The following MID2 variants were observed in gnomAD, a reference collection of about 807,000 sequenced individuals.
MID2 encodes the protein midline 2, also known as probable E3 ubiquitin-protein ligase MID2.
In MID2, 13 loss-of-function variants were observed where a neutral mutation model predicts 46.1. That is an observed-to-expected ratio of 0.28 (90% CI 0.18 to 0.45). The LOEUF (loss-of-function observed/expected upper bound fraction) is 0.45. Ranked by LOEUF, MID2 falls within the 20% of genes least tolerant of loss-of-function variation. The pLI, the probability that MID2 is intolerant of heterozygous loss-of-function variation, is 1.00. For missense variants in MID2, 431 were observed against 575.4 expected (o/e 0.75, Z 2.57); for synonymous variants, 199 against 212.3 (o/e 0.94, Z 0.55).
chrX:107,910,194 CTCTATT>C (rs1468105018), intron 5 of MID2, among the ~76,000 whole-genome samples: 1 of 111,699 alleles, frequency 9.0e-6, no homozygotes, highest in Non-Finnish European at 1.9e-5. Context: ...CCATTCTACT[CTCTATT>C]TCTATGAGTT....
intron 3 of MID2, chrX:107,901,151 G>A (rs1035954041): frequency 8.9e-6 from 1 of 111,907 alleles, no homozygotes; most frequent in Non-Finnish European, 1.9e-5. Flanking sequence ...ACGAATAAGG[G>A]TAGTCAAGTG....
intron 3 of MID2, among the ~76,000 whole-genome samples, chrX:107,886,391 A>G (rs1335743865): frequency 8.9e-6 from 1 of 111,963 alleles, no homozygotes; most frequent in Non-Finnish European, 1.9e-5. Context: ...TCCTTTCCCC[A>G]TTGCTTGTTT....
At chrX:107,863,681 A>G (rs887163338) in intron 3 of MID2, among the ~76,000 whole-genome samples, 3 of 112,612 alleles carry the variant, frequency 2.7e-5, no homozygotes, top group Non-Finnish European at 5.6e-5. Context: ...AAATGTTTCT[A>G]GTTCCACTTT....
chrX:107,905,458 C>G lies in MID2; in HGVS notation c.925-20C>G. The G allele has an allele frequency of 1.7e-6, 2 of 1,159,406 alleles. No individual in the cohort carries two copies. Among genetic ancestry groups the G allele is most frequent in the Non-Finnish European group, 2.3e-6 (2 of 865,272 alleles). ...ACTGCATGTTTTATCTTATTTTTTTCTTTTACTAATTCCTTAAAGGTTATG... is the reference window on the plus strand; with the variant it reads ...ACTGCATGTTTTATCTTATTTTTTTGTTTTACTAATTCCTTAAAGGTTATG... On this transcript the variant is annotated intron_variant, in intron 4 of 9. Coordinates refer to ENST00000262843, the MANE Select transcript of MID2 (RefSeq NM_012216.4).
At chrX:107,917,024 C>T (rs895352041) in intron 6 of MID2, among the ~76,000 whole-genome samples, 2 of 111,486 alleles carry the variant, frequency 1.8e-5, no homozygotes, top group Admixed American at 1.9e-4. Context: ...GCCTGTAATC[C>T]CAGCTTCTCA....
intron 6 of MID2, 100 bp from the exon 7 acceptor site, chrX:107,917,406 C>T (rs1932988986): frequency 6.0e-6 from 4 of 662,576 alleles, no homozygotes; most frequent in East Asian, 6.5e-5. Flanking sequence ...TTAAGAAAAT[C>T]TCTTCAAGAG....
In MID2 at chrX:107,893,425, A is replaced by G. The variant is rs1293681574; in HGVS notation, c.817-10533A>G. Among the ~76,000 whole-genome samples, 3 of 112,721 alleles carry G rather than the reference A, an allele frequency of 2.7e-5. No individual in the cohort carries two copies. In the Admixed American group the frequency reaches 2.8e-4, roughly 11 times the overall value. On this transcript the variant is annotated intron_variant, in intron 3 of 9. Coordinates refer to ENST00000262843, the MANE Select transcript of MID2 (RefSeq NM_012216.4). ...ATTCTTTAACCTGTCTTGAAAAGGC[A>G]TGTATATGTCTCATTATTACTTAAA...
intron 2 of MID2, among the ~76,000 whole-genome samples, chrX:107,852,041 T>C (rs1415562756): frequency 9.0e-6 from 1 of 111,278 alleles, no homozygotes; most frequent in Non-Finnish European, 1.9e-5. Flanking sequence ...TACATGTGTC[T>C]ACCGCCATGC....
Position 107,890,359 on chromosome X carries a change from C to T in MID2, c.817-13599C>T, listed in dbSNP as rs1039390408. On this transcript the variant is annotated intron_variant, in intron 3 of 9. Transcript: ENST00000262843. The stretch of plus-strand genomic sequence containing the variant: ...ACAGTCAGGACCCTTAGCTGCAGGC[C>T]TGTTGGAGTTTGTGGGAGGTCCACT... Among the ~76,000 whole-genome samples the T allele has an allele frequency of 5.3e-5, 6 of 112,217 alleles. No homozygotes were observed. In the Admixed American group the frequency reaches 5.6e-4, roughly 11 times the overall value.
intron 5 of MID2, among the ~76,000 whole-genome samples, chrX:107,910,566 G>A (rs1932876799): frequency 9.3e-6 from 1 of 107,183 alleles, no homozygotes; most frequent in South Asian, 4.3e-4. Flanking sequence ...AGTTTTTTGA[G>A]GAACCTCCAT....
At position 107,892,008 on chromosome X, in the gene MID2, C is replaced by T. The variant is rs189405971; in HGVS notation, c.817-11950C>T. 8.1e-5 allele frequency among the ~76,000 whole-genome samples: 9 copies of T among 111,778 alleles called. No homozygotes were observed. The East Asian group carries it at 1.4e-3, about 18-fold the overall frequency. ...CTCTTTCTCATAACAATGCCCTTTT[C>T]GACCTTAGCTATGAGAGTTCAAATT... On this transcript the variant is annotated intron_variant, in intron 3 of 9. Transcript: ENST00000262843.
At chrX:107,832,373 T>C (rs768845572) in intron 1 of MID2, among the ~76,000 whole-genome samples, 9 of 112,367 alleles carry the variant, frequency 8.0e-5, no homozygotes, top group Non-Finnish European at 7.5e-5. Context: ...AGTGTGATTG[T>C]CTGCCATTAT....
intron 1 of MID2, among the ~76,000 whole-genome samples, chrX:107,835,222 T>C (rs1208356410): frequency 8.9e-6 from 1 of 112,607 alleles, no homozygotes; most frequent in Non-Finnish European, 1.9e-5. Flanking sequence ...TTCCTTTTTA[T>C]AGCCAAGTAA....
intron 3 of MID2, among the ~76,000 whole-genome samples, chrX:107,877,400 T>G (rs1932223708): frequency 9.0e-6 from 1 of 111,692 alleles, no homozygotes; most frequent in Non-Finnish European, 1.9e-5. Context: ...ACTGGGGTGG[T>G]GAAGATAGCT....
At chrX:107,882,655 A>G (rs1932347814) in intron 3 of MID2, among the ~76,000 whole-genome samples, 1 of 112,108 alleles carries the variant, frequency 8.9e-6, no homozygotes, top group South Asian at 3.7e-4. Context: ...ACAATGAGAT[A>G]CCATCTCACA....
intron 1 of MID2, among the ~76,000 whole-genome samples, chrX:107,826,902 C>A (rs962430456): frequency 4.4e-5 from 5 of 113,435 alleles, no homozygotes; most frequent in African/African-American, 1.6e-4. Context: ...TGGCTGCGGA[C>A]GCCCTGCCGG....
chrX:107,856,157 C>A (rs1400672147), intron 3 of MID2, among the ~76,000 whole-genome samples: 1 of 112,017 alleles, frequency 8.9e-6, no homozygotes, highest in African/African-American at 3.2e-5. Context: ...TATTCTTTTT[C>A]TCTCCTGGCT....
At chrX:107,828,825 G>T (rs1931026347) in intron 1 of MID2, among the ~76,000 whole-genome samples, 2 of 112,282 alleles carry the variant, frequency 1.8e-5, no homozygotes, top group Admixed American at 1.9e-4. Context: ...ACTGGGTATT[G>T]TTAGTCTTGA....
chrX:107,907,532 C>A (rs1271863574), intron 5 of MID2, among the ~76,000 whole-genome samples: 1 of 111,510 alleles, frequency 9.0e-6, no homozygotes, highest in African/African-American at 3.3e-5. Context: ...GCCAAATACA[C>A]TCTTTTTTCC....
Sources: gnomAD v4.1 joint callset for allele counts (sites outside exome capture counted in the v4.1 genomes callset) on GRCh38, gnomAD v4.1.1 for gene constraint, MANE v1.5 for transcripts, NCBI Gene and HGNC (gene_info 2026-07-23, HGNC 2026-07-21) for gene names.